The following ACTN4 variants were observed in gnomAD, a reference collection of about 807,000 sequenced individuals.
The protein encoded by ACTN4 is alpha-actinin-4.
A neutral mutation model predicts 114.2 loss-of-function variants in ACTN4; 18 were observed. The ratio of observed to expected loss-of-function variants is 0.16; its 90% CI spans 0.11 to 0.23. The LOEUF (loss-of-function observed/expected upper bound fraction) is 0.23. ACTN4 is among the 10% of genes least tolerant of loss of function. The pLI is 1.00. For synonymous variants in ACTN4, 515 were observed against 506.3 expected (o/e 1.02, Z -0.23); for missense variants, 722 against 1,262.9 (o/e 0.57, Z 6.49).
At position 38,708,316 on chromosome 19, in the gene ACTN4, T is replaced by G. The variant is rs549626428; in HGVS notation, c.651+121T>G. The G allele has an allele frequency of 4.9e-5, 54 of 1,093,390 alleles. No homozygotes were observed. The South Asian group carries it at 6.8e-4, about 14-fold the overall frequency. The allele number at this position is 1,093,390 out of a possible 1,614,324, so 67.7% of individuals were successfully genotyped here. ...TCCAGATCTGGGTTCTGCACGCAGA[T>G]GGGCAGCCTGGGAGAGCCTTGTGCA... On this transcript the variant is annotated intron_variant, in intron 6 of 20. Coordinates refer to ENST00000252699, the MANE Select transcript of ACTN4 (RefSeq NM_004924.6).
chr19:38,665,140 G>T (rs1966915358), intron 1 of ACTN4, among the ~76,000 whole-genome samples: 1 of 152,154 alleles, frequency 6.6e-6, no homozygotes, highest in Non-Finnish European at 1.5e-5. Flanking sequence ...GCTCCTGTGG[G>T]AGAGTGCCTT....
At chr19:38,676,443 AGACGAGTGT>A (rs1174537470) in intron 1 of ACTN4, among the ~76,000 whole-genome samples, 1 of 152,204 alleles carries the variant, frequency 6.6e-6, no homozygotes, top group Non-Finnish European at 1.5e-5. Context: ...GAGCCAGTAG[AGACGAGTGT>A]GTTGTATAGC....
At chr19:38,714,161 C>G (rs1968761946) in intron 8 of ACTN4, among the ~76,000 whole-genome samples, 1 of 152,174 alleles carries the variant, frequency 6.6e-6, no homozygotes, top group South Asian at 2.1e-4. Context: ...CGCAGCCGAC[C>G]CGTCCAGCCT....
intron 1 of ACTN4, among the ~76,000 whole-genome samples, chr19:38,659,861 G>A (rs909665126): frequency 6.6e-6 from 1 of 151,970 alleles, no homozygotes; most frequent in African/African-American, 2.4e-5. Flanking sequence ...GATTGGTTGT[G>A]GCTACCAAGG....
intron 12 of ACTN4, chr19:38,721,983 CT>C (rs1969061648): frequency 2.1e-6 from 1 of 477,948 alleles, no homozygotes. Flanking sequence ...GGTGTCACCT[CT>C]CCTGGCCACC....
chr19:38,695,203 G>T (rs1383565566), intron 1 of ACTN4, among the ~76,000 whole-genome samples: 5 of 152,148 alleles, frequency 3.3e-5, no homozygotes, highest in Non-Finnish European at 5.9e-5. Context: ...TAACTGTTTT[G>T]CTTCCTCCTG....
In ACTN4 at chr19:38,719,243, T is replaced by C. The variant is rs1224744479; in HGVS notation, c.1291+1169T>C. 2.6e-5 allele frequency among the ~76,000 whole-genome samples: 4 copies of C among 152,126 alleles called. No individual in the cohort carries two copies. In the East Asian group the frequency reaches 5.8e-4, roughly 22 times the overall value. ...ACAAGAGCCACTCACAGGACTCCTC[T>C]CCCACTCTGGCCACCACCTTCCCAA... On this transcript the variant is annotated intron_variant, in intron 11 of 20. Transcript: ENST00000252699.
At chr19:38,726,247 CACCACACTTCGGTCTGGGTGACAGA>C (rs1483716896) in intron 17 of ACTN4, among the ~76,000 whole-genome samples, 44 of 149,628 alleles carry the variant, frequency 2.9e-4, no homozygotes, top group Admixed American at 2.9e-3. Context: ...GAGGTCATGC[CACCACACTTCGGTCTGGGTGACAGA>C]GCCAGACTCT....
chr19:38,712,264 C>T (rs1243524369), intron 8 of ACTN4, among the ~76,000 whole-genome samples: 1 of 152,134 alleles, frequency 6.6e-6, no homozygotes, highest in Non-Finnish European at 1.5e-5. Flanking sequence ...GCCGTACCTT[C>T]TGTGGACCCC....
intron 1 of ACTN4, among the ~76,000 whole-genome samples, chr19:38,651,403 C>G (rs1463972886): frequency 6.6e-6 from 1 of 152,180 alleles, no homozygotes; most frequent in East Asian, 1.9e-4. Context: ...GGTCTTTGAG[C>G]AAATTCTTGA....
chr19:38,731,066 C>G lies in ACTN4; in HGVS notation c.*1634C>G. 6.4e-7 allele frequency: 1 copy of G among 1,569,232 alleles called. No homozygotes were observed. The highest frequency in any genetic ancestry group is 1.2e-5 in the South Asian group (1 of 86,158). ...GGGTGAGTGCCCACCAGTCCCCGTA[C>G]CCCTTCCCCCCATGCCCCACCATGC... On this transcript the variant is annotated 3_prime_UTR_variant, in exon 21 of 21. Coordinates refer to ENST00000252699, the MANE Select transcript of ACTN4 (RefSeq NM_004924.6).
chr19:38,718,242 TAG>T, intron 11 of ACTN4, 168 bp downstream of exon 11: 1 of 1,214,534 alleles, frequency 8.2e-7, no homozygotes, highest in Admixed American at 2.0e-5. Context: ...AATGCTGCTT[TAG>T]AGCCAGGTTC....
intron 1 of ACTN4, among the ~76,000 whole-genome samples, chr19:38,673,484 T>TG (rs1453010339): frequency 9.7e-6 from 1 of 103,420 alleles, no homozygotes; most frequent in Non-Finnish European, 2.0e-5. Context: ...TTTATATATA[T>TG]ATTCATATAT....
chr19:38,722,110 C>G (rs1178707461), intron 12 of ACTN4, among the ~76,000 whole-genome samples: 2 of 152,214 alleles, frequency 1.3e-5, no homozygotes, highest in Non-Finnish European at 2.9e-5. Flanking sequence ...GGCCCCTTCC[C>G]TTTCTTGCTC....
chr19:38,679,795 C>T (rs1403577850), intron 1 of ACTN4, among the ~76,000 whole-genome samples: 2 of 152,038 alleles, frequency 1.3e-5, no homozygotes, highest in East Asian at 1.9e-4. Flanking sequence ...CGCACCCGGC[C>T]AATGTATGTA....
At chr19:38,661,159 C>A (rs988934417) in intron 1 of ACTN4, among the ~76,000 whole-genome samples, 7 of 152,154 alleles carry the variant, frequency 4.6e-5, no homozygotes, top group African/African-American at 1.7e-4. Flanking sequence ...ATTCAACTTG[C>A]GCCTGCAAAC....
Position 38,731,102 on chromosome 19 carries a change from C to G in ACTN4, c.*1670C>G. 6.2e-7 allele frequency: 1 copy of G among 1,609,156 alleles called. No homozygotes were observed. Among genetic ancestry groups the G allele is most frequent in the South Asian group, 1.1e-5 (1 of 90,378 alleles). ...CATGCCCCACCATGCCGGGGTGGTA[C>G]TCACAGAAGATGCAGGTGAGGTGGG... On this transcript the variant is annotated 3_prime_UTR_variant, in exon 21 of 21. Transcript: ENST00000252699.
intron 1 of ACTN4, among the ~76,000 whole-genome samples, chr19:38,689,638 C>T (rs532643751): frequency 1.3e-5 from 2 of 152,208 alleles, no homozygotes; most frequent in South Asian, 4.1e-4. Context: ...GCTGGGACTA[C>T]AGGCAAGAGT....
At chr19:38,711,270 G>C (rs920235469) in intron 8 of ACTN4, 54 of 1,012,740 alleles carry the variant, frequency 5.3e-5, no homozygotes, top group South Asian at 1.7e-4. Context: ...CTCTCTCTCT[G>C]TGCAGATATT....
Sources: allele counts gnomAD v4.1 joint callset (sites outside exome capture counted in the v4.1 genomes callset), GRCh38; gene constraint gnomAD v4.1.1; transcripts MANE v1.5; gene names NCBI Gene and HGNC (gene_info 2026-07-23, HGNC 2026-07-21).